AUTS2: variants seen among roughly 807,000 people sequenced by gnomAD.
AUTS2 encodes the protein activator of transcription and developmental regulator AUTS2.
In AUTS2, 17 loss-of-function variants were observed where a neutral mutation model predicts 112.4. The ratio of observed to expected loss-of-function variants is 0.15; its 90% confidence interval spans 0.10 to 0.23. The LOEUF (loss-of-function observed/expected upper bound fraction) is 0.23, where lower values mean the gene tolerates loss of function less well. Among genes scored for constraint, AUTS2 ranks in the 10% least tolerant of loss-of-function variants. AUTS2 has a pLI of 1.00. For missense variants in AUTS2, 1,510 were observed against 1,701.6 expected, an observed-to-expected ratio of 0.89 and a Z score of 1.98; for synonymous variants, 751 against 702.7, an observed-to-expected ratio of 1.07 and a Z score of -1.09.
intron 4 of AUTS2, among the ~76,000 whole-genome samples, chr7:70,197,119 T>C (rs1364580224): frequency 6.6e-6 from 1 of 152,216 alleles, no homozygotes; most frequent in African/African-American, 2.4e-5. Flanking sequence ...GCCCTACTTT[T>C]TGGAGTCAGA....
intron 1 of AUTS2, among the ~76,000 whole-genome samples, chr7:69,895,528 C>T (rs1794704087): frequency 6.7e-6 from 1 of 149,136 alleles, no homozygotes; most frequent in Non-Finnish European, 1.5e-5. Flanking sequence ...CACTTTGATC[C>T]TCTCTCTCTC....
At chr7:70,635,268 G>A (rs1252986173) in intron 5 of AUTS2, among the ~76,000 whole-genome samples, 1 of 152,178 alleles carries the variant, frequency 6.6e-6, no homozygotes, top group Non-Finnish European at 1.5e-5. Flanking sequence ...ACATTCAGAT[G>A]TGCCTCTCCT....
intron 1 of AUTS2, among the ~76,000 whole-genome samples, chr7:69,863,626 CA>C (rs1290660506): frequency 1.3e-5 from 2 of 152,198 alleles, no homozygotes; most frequent in Non-Finnish European, 2.9e-5. Context: ...ACCATGCCCC[CA>C]GTAATTATTC....
intron 2 of AUTS2, among the ~76,000 whole-genome samples, chr7:69,978,739 G>C (rs1480819436): frequency 6.6e-6 from 1 of 151,926 alleles, no homozygotes; most frequent in Non-Finnish European, 1.5e-5. Flanking sequence ...CCAGCTAATT[G>C]GGAGGCTAAA....
At position 69,699,740 on chromosome 7, in the gene AUTS2, G is replaced by A. The variant is rs186801265; in HGVS notation, c.309+99778G>A. Among the ~76,000 whole-genome samples, 275 of 150,688 alleles carry A rather than the reference G, an allele frequency of 1.8e-3. 1 individual carries two copies. The highest frequency in any genetic ancestry group is 3.2e-3 in the Non-Finnish European group (216 of 67,824). Reference sequence around the variant, plus strand: ...GCTCACTGCAACCTCTGCCTCTCAGGTTCAAGCAATTCTTCTGCCTCAGCC... The same window carrying A: ...GCTCACTGCAACCTCTGCCTCTCAGATTCAAGCAATTCTTCTGCCTCAGCC... On this transcript the variant is annotated intron_variant, in intron 1 of 18. Transcript: ENST00000342771.
chr7:70,268,499 A>G (rs890004395), intron 4 of AUTS2, among the ~76,000 whole-genome samples: 2 of 152,216 alleles, frequency 1.3e-5, no homozygotes, highest in African/African-American at 2.4e-5. Flanking sequence ...TGTTTCACTC[A>G]TAAATATTTC....
At chr7:69,722,753 A>G (rs1288521001) in intron 1 of AUTS2, among the ~76,000 whole-genome samples, 1 of 152,188 alleles carries the variant, frequency 6.6e-6, no homozygotes, top group Non-Finnish European at 1.5e-5. Flanking sequence ...TGCAGAACAA[A>G]GTATGCTGCT....
At chr7:69,721,713 G>C (rs1216777588) in intron 1 of AUTS2, among the ~76,000 whole-genome samples, 3 of 152,216 alleles carry the variant, frequency 2.0e-5, no homozygotes, top group African/African-American at 7.2e-5. Flanking sequence ...ATAAGCTAGA[G>C]ATGGTCATCA....
At chr7:70,367,646 A>C (rs535920075) in intron 4 of AUTS2, among the ~76,000 whole-genome samples, 1 of 152,136 alleles carries the variant, frequency 6.6e-6, no homozygotes, top group East Asian at 1.9e-4. Flanking sequence ...AATGTTCACT[A>C]ATGATGGCTA....
chr7:69,975,553 GTTTGT>G (rs1027053786), intron 2 of AUTS2, among the ~76,000 whole-genome samples: 4 of 151,404 alleles, frequency 2.6e-5, no homozygotes, highest in African/African-American at 9.7e-5. Flanking sequence ...TGTTTTGTTT[GTTTGT>G]TTTGTTTTTC....
chr7:70,523,722 A>T lies in AUTS2; in HGVS notation c.690+87941A>T, dbSNP rs145803023. Among the ~76,000 whole-genome samples, 171 of 152,312 alleles carry T rather than the reference A, an allele frequency of 1.1e-3. 1 individual carries two copies. The East Asian group carries it at 0.012, about 10-fold the overall frequency. On this transcript the variant is annotated intron_variant, in intron 5 of 18. Transcript: ENST00000342771. ...ATTCAGAAGGTAAGATGGCGCAAGGACAAGCTCTAGCCTATAGCTGGAAAG... is the reference window on the plus strand; with the variant it reads ...ATTCAGAAGGTAAGATGGCGCAAGGTCAAGCTCTAGCCTATAGCTGGAAAG...
intron 4 of AUTS2, among the ~76,000 whole-genome samples, chr7:70,271,349 C>G (rs1399376679): frequency 6.6e-6 from 1 of 152,034 alleles, no homozygotes; most frequent in Non-Finnish European, 1.5e-5. Context: ...TATATATTAT[C>G]ATAATTACTT....
chr7:69,954,054 G>A (rs377207457), intron 2 of AUTS2, among the ~76,000 whole-genome samples: 2 of 151,940 alleles, frequency 1.3e-5, no homozygotes, highest in African/African-American at 4.8e-5. Flanking sequence ...CTTTACTGAG[G>A]TATAGTTGAT....
intron 5 of AUTS2, among the ~76,000 whole-genome samples, chr7:70,496,160 C>T (rs1754944537): frequency 1.6e-5 from 2 of 121,926 alleles, no homozygotes; most frequent in Non-Finnish European, 3.5e-5. Flanking sequence ...ACACACACCA[C>T]GTACACAGTC....
At chr7:69,886,763 T>TTGTGTGTGTGTGTGTG (rs3220664) in intron 1 of AUTS2, among the ~76,000 whole-genome samples, 2 of 129,774 alleles carry the variant, frequency 1.5e-5, no homozygotes, top group Non-Finnish European at 3.2e-5. Context: ...TTTGACTTCT[T>TTGTGTGTGTGTGTGTG]TGTGTGTGTG....
Position 70,186,276 on chromosome 7 carries a change from C to T in AUTS2, c.660+51705C>T, listed in dbSNP as rs539065922. Among the ~76,000 whole-genome samples, 10 of 152,148 alleles carry T rather than the reference C, an allele frequency of 6.6e-5. No individual in the cohort carries two copies. In the South Asian group the frequency reaches 2.1e-3, roughly 32 times the overall value. On this transcript the variant is annotated intron_variant, in intron 4 of 18. Transcript: ENST00000342771. ...CAGGAATGTGTTTCTTGCAGGTTTC[C>T]CTTAGAAGCCACACAGGAGGCAGTT...
At chr7:69,723,375 C>A (rs566787820) in intron 1 of AUTS2, among the ~76,000 whole-genome samples, 3 of 152,006 alleles carry the variant, frequency 2.0e-5, no homozygotes, top group Non-Finnish European at 4.4e-5. Context: ...ATCCATTTTG[C>A]AGGGTTTAAC....
intron 4 of AUTS2, among the ~76,000 whole-genome samples, chr7:70,163,341 T>TG (rs200344668): frequency 3.6e-4 from 1 of 2,772 alleles, no homozygotes; most frequent in Non-Finnish European, 9.3e-4. Context: ...TAGGTTGTGG[T>TG]GGTGGGGGGG....
At chr7:70,001,301 G>C (rs1584552921) in intron 2 of AUTS2, among the ~76,000 whole-genome samples, 1 of 151,896 alleles carries the variant, frequency 6.6e-6, no homozygotes, top group African/African-American at 2.4e-5. Flanking sequence ...AATTTTTGTA[G>C]TTTTAGTAGA....
Sources: allele counts gnomAD v4.1 joint callset (sites outside exome capture counted in the v4.1 genomes callset), GRCh38; gene constraint gnomAD v4.1.1; transcripts MANE v1.5; gene names NCBI Gene and HGNC (gene_info 2026-07-23, HGNC 2026-07-21).